EPHA5: variants seen among roughly 807,000 people sequenced by gnomAD.
EPHA5 encodes ephrin type-A receptor 5.
A neutral mutation model predicts 105.0 loss-of-function variants in EPHA5; 60 were observed. The ratio of observed to expected loss-of-function variants is 0.57; its 90% CI spans 0.46 to 0.71. EPHA5 has a LOEUF of 0.71. EPHA5 is among the 30% of genes least tolerant of loss of function. The probability of loss-of-function intolerance (pLI) is 0.00; values close to 1 mark genes in which losing one functional copy is unlikely to be tolerated. For synonymous variants in EPHA5, 513 were observed against 449.1 expected (o/e 1.14, Z -1.80); for missense variants, 1,218 against 1,274.7 (o/e 0.96, Z 0.68).
At chr4:65,479,728 T>C (rs895738288) in intron 5 of EPHA5, among the ~76,000 whole-genome samples, 15 of 152,122 alleles carry the variant, frequency 9.9e-5, no homozygotes, top group Admixed American at 7.9e-4. Flanking sequence ...CATGGATATA[T>C]GATGCACATT....
In EPHA5 at chr4:65,414,376, G is replaced by A. The variant is rs1723193436; in HGVS notation, c.1595C>T (p.Pro532Leu). 6.2e-7 allele frequency: 1 copy of A among 1,613,960 alleles called. No homozygotes were observed. Among genetic ancestry groups the A allele is most frequent in the Non-Finnish European group, 8.5e-7 (1 of 1,179,902 alleles). The change falls in exon 7 of 17, where the codon CCA (proline) becomes CTA (leucine). Residue 532 changes from proline (P) to leucine (L), a missense_variant. By Grantham distance (98) the Pro-to-Leu change is moderately conservative. This residue lies in a region of EPHA5 where 971 missense variants were observed against 1,013.5 expected (regional missense o/e 0.96). Coordinates refer to ENST00000613740, the MANE Select transcript of EPHA5 (RefSeq NM_001281766.3). ...AATTTGGAAGACATAAACTGAAGCT[G>A]GTTTCAAGCCCTCTGCAGTAATAGT... ...ETTITAEGLK[P>L]ASVYVFQIRA...
chr4:65,624,188 G>A (rs1159576882), intron 2 of EPHA5, among the ~76,000 whole-genome samples: 1 of 151,920 alleles, frequency 6.6e-6, no homozygotes, highest in Non-Finnish European at 1.5e-5. Flanking sequence ...GATAATAAAG[G>A]TAATAGTAAA....
intron 2 of EPHA5, among the ~76,000 whole-genome samples, chr4:65,633,789 A>G (rs996586248): frequency 2.0e-5 from 3 of 152,088 alleles, no homozygotes; most frequent in Non-Finnish European, 4.4e-5. Flanking sequence ...TAACTTGTAT[A>G]TGACTCTATA....
intron 3 of EPHA5, among the ~76,000 whole-genome samples, chr4:65,581,989 T>A (rs1398132930): frequency 6.6e-6 from 1 of 151,796 alleles, no homozygotes; most frequent in Non-Finnish European, 1.5e-5. Context: ...TGAGCACCTT[T>A]CAACATCTTT....
chr4:65,504,728 T>C lies in EPHA5; in HGVS notation c.911-9185A>G, dbSNP rs181273009. On this transcript the variant is annotated intron_variant, in intron 3 of 16. Transcript: ENST00000613740. ...AGACTATCGTAAATCACAATATTAC[T>C]TTTTGTTTATCTAATTGAACCTCCA... 6.5e-3 allele frequency among the ~76,000 whole-genome samples: 993 copies of C among 152,010 alleles called. 11 individuals are homozygous for C. Among genetic ancestry groups the C allele is most frequent in the African/African-American group, 0.023 (957 of 41,510 alleles).
intron 8 of EPHA5, 60 bp downstream of exon 8, chr4:65,404,314 C>G: frequency 1.4e-6 from 2 of 1,426,760 alleles, no homozygotes; most frequent in East Asian, 4.6e-5. Flanking sequence ...GCCAAATGGT[C>G]AGATCAAGGT....
intron 5 of EPHA5, among the ~76,000 whole-genome samples, chr4:65,430,637 T>C (rs567701794): frequency 2.1e-4 from 32 of 152,186 alleles, no homozygotes; most frequent in Non-Finnish European, 2.2e-4. Flanking sequence ...TCGTCCCTTT[T>C]TGATGCACAG....
At chr4:65,331,276 T>A in intron 16 of EPHA5, 5 of 1,029,942 alleles carry the variant, frequency 4.9e-6, no homozygotes, top group Non-Finnish European at 5.9e-6. Context: ...CAACCACATG[T>A]ACAGAGTATA....
At chr4:65,341,091 T>C (rs1241900653) in intron 14 of EPHA5, among the ~76,000 whole-genome samples, 1 of 152,102 alleles carries the variant, frequency 6.6e-6, no homozygotes, top group Non-Finnish European at 1.5e-5. Context: ...AAAATTTTCC[T>C]CAATATCTAA....
intron 5 of EPHA5, among the ~76,000 whole-genome samples, chr4:65,436,576 C>T (rs1725502509): frequency 6.6e-6 from 1 of 151,938 alleles, no homozygotes; most frequent in Admixed American, 6.6e-5. Flanking sequence ...ACCACATGCA[C>T]ATGAAAAGTT....
intron 2 of EPHA5, among the ~76,000 whole-genome samples, chr4:65,627,137 C>T (rs1307019185): frequency 6.6e-6 from 1 of 152,154 alleles, no homozygotes; most frequent in East Asian, 1.9e-4. Flanking sequence ...CTCCATACTT[C>T]ATTATGATAA....
Position 65,319,942 on chromosome 4 carries a change from C to T in EPHA5, c.*4172G>A. ...ACCACTGAAACTTCTACTGTGAATA[C>T]AGTTCCCAGCCTGAATAAACATGAC... On this transcript the variant is annotated 3_prime_UTR_variant, in exon 17 of 17. Transcript: ENST00000613740. The T allele has an allele frequency of 4.3e-6, 1 of 230,020 alleles. No homozygotes were observed. Among genetic ancestry groups the T allele is most frequent in the Non-Finnish European group, 8.6e-6 (1 of 115,960 alleles). The allele number at this position is 230,020 out of a possible 1,614,324, so 14.2% of individuals were successfully genotyped here.
rs1044712913 is a variant in EPHA5, at chr4:65,490,811, T to G, written c.1067-99A>C. On this transcript the variant is annotated intron_variant, in intron 4 of 16. Coordinates refer to ENST00000613740, the MANE Select transcript of EPHA5 (RefSeq NM_001281766.3). ...CCTGGTCTGAAGGAAAAAATAGATTTGCAATAAGTCCTTTAAGTCATAATT... is the reference window on the plus strand; with the variant it reads ...CCTGGTCTGAAGGAAAAAATAGATTGGCAATAAGTCCTTTAAGTCATAATT... The G allele has an allele frequency of 4.9e-6, 6 of 1,224,788 alleles. No individual in the cohort carries two copies. In the African/African-American group the frequency reaches 7.6e-5, roughly 16 times the overall value. 75.9% of individuals were successfully genotyped at this position (1,224,788 alleles called of 1,614,324 possible). A position where few individuals can be genotyped will look rare whatever the true frequency, so the allele number is the denominator to read the frequency against.
intron 5 of EPHA5, among the ~76,000 whole-genome samples, chr4:65,482,971 A>G (rs1317241706): frequency 7.9e-5 from 12 of 151,832 alleles, no homozygotes; most frequent in Admixed American, 7.2e-4. Flanking sequence ...TTGACTCGTC[A>G]TTTACATTAG....
At chr4:65,503,852 C>T (rs1470139952) in intron 3 of EPHA5, among the ~76,000 whole-genome samples, 2 of 150,658 alleles carry the variant, frequency 1.3e-5, no homozygotes, top group African/African-American at 4.9e-5. Flanking sequence ...TTAATATTAA[C>T]ATACACATTT....
At chr4:65,516,673 T>A (rs988596566) in intron 3 of EPHA5, among the ~76,000 whole-genome samples, 7 of 152,136 alleles carry the variant, frequency 4.6e-5, no homozygotes, top group African/African-American at 1.7e-4. Flanking sequence ...TTTTGGTTAT[T>A]CTTTTGCATA....
At chr4:65,400,282 T>C (rs7668265) in intron 8 of EPHA5, among the ~76,000 whole-genome samples, 121,743 of 152,158 alleles carry the variant, frequency 0.8, 49,117 homozygotes, top group South Asian at 0.92. Context: ...CAATATGCTG[T>C]GCATATAAAG....
intron 5 of EPHA5, among the ~76,000 whole-genome samples, chr4:65,420,874 T>A (rs978886687): frequency 1.3e-5 from 2 of 152,064 alleles, no homozygotes; most frequent in African/African-American, 4.8e-5. Flanking sequence ...ATTTTATGTA[T>A]CTTCTACATT....
rs2149570460 is a variant in EPHA5 at position 65,669,552 on chromosome 4, A to C, written c.181+10T>G. The stretch of plus-strand genomic sequence containing the variant: ...CCAGGTCGCCACGGTCCCCACCCCC[A>C]TCTCCCTACCTTCGTTGCTGGGGCT... On this transcript the variant is annotated intron_variant, in intron 1 of 16. Coordinates refer to ENST00000613740, the MANE Select transcript of EPHA5 (RefSeq NM_001281766.3). 1 of 1,379,860 alleles carries C rather than the reference A, an allele frequency of 7.2e-7. No individual in the cohort carries two copies. Among genetic ancestry groups the C allele is most frequent in the Non-Finnish European group, 9.4e-7 (1 of 1,060,470 alleles). The allele number at this position is 1,379,860 out of a possible 1,614,324, so 85.5% of individuals were successfully genotyped here.
Sources: allele counts gnomAD v4.1 joint callset (sites outside exome capture counted in the v4.1 genomes callset), GRCh38; gene constraint gnomAD v4.1.1; regional missense constraint gnomAD v4.1.1; transcripts MANE v1.5; gene names NCBI Gene and HGNC (gene_info 2026-07-23, HGNC 2026-07-21).